NR3C2: variants seen among roughly 807,000 people sequenced by gnomAD.
The protein encoded by NR3C2 is nuclear receptor subfamily 3 group C member 2, also known as mineralocorticoid receptor.
In NR3C2, 15 loss-of-function variants were observed where a neutral mutation model predicts 86.4. That is an observed-to-expected ratio of 0.17 (90% CI 0.12 to 0.27). The LOEUF (loss-of-function observed/expected upper bound fraction) is 0.27, where lower values mean the gene tolerates loss of function less well. Ranked by LOEUF, NR3C2 falls within the 10% of genes least tolerant of loss-of-function variation. The probability of loss-of-function intolerance (pLI) is 1.00; values close to 1 mark genes in which losing one functional copy is unlikely to be tolerated. For synonymous variants in NR3C2, 458 were observed against 450.5 expected, an observed-to-expected ratio of 1.02 and a Z score of -0.21; for missense variants, 960 against 1,195.6, an observed-to-expected ratio of 0.80 and a Z score of 2.91.
intron 2 of NR3C2, 77 bp from the exon 3 acceptor site, chr4:148,260,194 T>A (rs1740027088): frequency 6.3e-7 from 1 of 1,577,338 alleles, no homozygotes; most frequent in Admixed American, 1.7e-5. Flanking sequence ...AGCTCAAAAT[T>A]TGTCAATAAT....
intron 2 of NR3C2, among the ~76,000 whole-genome samples, chr4:148,287,121 A>G (rs1379383396): frequency 6.6e-6 from 1 of 152,236 alleles, no homozygotes; most frequent in Non-Finnish European, 1.5e-5. Context: ...CTACCATGTA[A>G]CAGAATTATT....
chr4:148,436,448 T>A lies in NR3C2; in HGVS notation c.413A>T (p.Glu138Val), dbSNP rs759733141. Residue 138 changes from glutamate to valine, a missense_variant, in exon 2 of 9, where the codon GAA becomes GTA. Glu to Val is a moderately radical substitution (Grantham distance 121). Transcript: ENST00000358102. ...TCCTTTGTAAAATTTCACCAGCTGT[T>A]CAACATTCTGATAAATCTTAGCTGG... ...MSPAKIYQNV[E>V]QLVKFYKGNG... 1.9e-6 allele frequency: 3 copies of A among 1,614,230 alleles called. No homozygotes were observed. The South Asian group carries it at 3.3e-5, about 18-fold the overall frequency.
At chr4:148,117,913 T>C (rs1228320102) in intron 7 of NR3C2, among the ~76,000 whole-genome samples, 1 of 152,206 alleles carries the variant, frequency 6.6e-6, no homozygotes, top group Non-Finnish European at 1.5e-5. Flanking sequence ...AGGTTGTCAC[T>C]AGGCACTCTC....
In NR3C2 at chr4:148,267,680, G is replaced by A. The variant is rs1456376239; in HGVS notation, c.1758-7563C>T. Among the ~76,000 whole-genome samples, 5 of 151,818 alleles carry A rather than the reference G, an allele frequency of 3.3e-5. No homozygotes were observed. The South Asian group carries it at 1.0e-3, about 31-fold the overall frequency. On this transcript the variant is annotated intron_variant, in intron 2 of 8. Transcript: ENST00000358102. ...CCTGGTGTCTGCAGTGTATAGGTTG[G>A]GAACAGCCACATTATATCATTAAGA... is the stretch of plus-strand genomic sequence containing the variant.
chr4:148,215,872 T>C (rs1053858855), intron 3 of NR3C2, among the ~76,000 whole-genome samples: 3 of 149,670 alleles, frequency 2.0e-5, no homozygotes, highest in African/African-American at 7.4e-5. Flanking sequence ...CCCTGCCTCC[T>C]GGGTTCAACC....
chr4:148,395,594 C>T (rs1248374259), intron 2 of NR3C2, among the ~76,000 whole-genome samples: 2 of 152,152 alleles, frequency 1.3e-5, no homozygotes, highest in Non-Finnish European at 2.9e-5. Flanking sequence ...TAAACGTGTT[C>T]ATACACAGAT....
intron 2 of NR3C2, among the ~76,000 whole-genome samples, chr4:148,335,006 C>T (rs1452649979): frequency 6.6e-6 from 1 of 152,200 alleles, no homozygotes; most frequent in African/African-American, 2.4e-5. Context: ...CCAATTTCCC[C>T]TTTGTATAAA....
chr4:148,319,297 A>G (rs1232951581), intron 2 of NR3C2, among the ~76,000 whole-genome samples: 3 of 152,204 alleles, frequency 2.0e-5, no homozygotes, highest in Non-Finnish European at 4.4e-5. Flanking sequence ...GTATAGTTCG[A>G]AGTCAGGTAG....
intron 6 of NR3C2, among the ~76,000 whole-genome samples, chr4:148,145,261 T>C (rs970121228): frequency 2.0e-5 from 3 of 152,154 alleles, no homozygotes; most frequent in Admixed American, 6.5e-5. Flanking sequence ...TAAGTGAGCA[T>C]GCATAGAACT....
chr4:148,103,695 T>C (rs895889428), intron 8 of NR3C2, among the ~76,000 whole-genome samples: 2 of 152,138 alleles, frequency 1.3e-5, no homozygotes, highest in African/African-American at 2.4e-5. Context: ...CTAGGGGAGC[T>C]CCGAGAGATA....
chr4:148,441,687 T>C (rs1750345788), intron 1 of NR3C2, among the ~76,000 whole-genome samples: 1 of 152,184 alleles, frequency 6.6e-6, no homozygotes, highest in African/African-American at 2.4e-5. Flanking sequence ...TCGCGAATGC[T>C]AGCGAACGGG....
At chr4:148,121,712 AT>A (rs1732511892) in intron 6 of NR3C2, among the ~76,000 whole-genome samples, 1 of 152,200 alleles carries the variant, frequency 6.6e-6, no homozygotes, top group Admixed American at 6.5e-5. Context: ...GCTTTGTTTT[AT>A]GTAAATTTGA....
In NR3C2 at chr4:148,386,547, G is replaced by C. The variant is rs61764773; in HGVS notation, c.1757+48557C>G. On this transcript the variant is annotated intron_variant, in intron 2 of 8. Transcript: ENST00000358102. Reference sequence around the variant, plus strand: ...AGATAATCAAAAAGTCTTTACCTTGGAGGGATCATAGTGATGAGTTCAACG... The same window carrying C: ...AGATAATCAAAAAGTCTTTACCTTGCAGGGATCATAGTGATGAGTTCAACG... Among the ~76,000 whole-genome samples, 585 of 152,308 alleles carry C rather than the reference G, an allele frequency of 3.8e-3. 3 individuals carry two copies. The highest frequency in any genetic ancestry group is 6.0e-3 in the Non-Finnish European group (407 of 68,028).
intron 2 of NR3C2, among the ~76,000 whole-genome samples, chr4:148,274,939 C>A (rs1740888852): frequency 6.6e-6 from 1 of 152,030 alleles, no homozygotes; most frequent in African/African-American, 2.4e-5. Context: ...CTCAGGTGAT[C>A]CACTTGCCTC....
intron 2 of NR3C2, among the ~76,000 whole-genome samples, chr4:148,431,931 T>A (rs1470617362): frequency 2.0e-5 from 3 of 152,172 alleles, no homozygotes; most frequent in Non-Finnish European, 4.4e-5. Context: ...AAAGAGCATT[T>A]GTTTATGTGA....
At chr4:148,323,726 C>T (rs1743782684) in intron 2 of NR3C2, among the ~76,000 whole-genome samples, 1 of 152,142 alleles carries the variant, frequency 6.6e-6, no homozygotes, top group Non-Finnish European at 1.5e-5. Context: ...CAATGCCTCG[C>T]CCTGCTTCGG....
chr4:148,199,544 G>A (rs1462343979), intron 3 of NR3C2, among the ~76,000 whole-genome samples: 1 of 152,094 alleles, frequency 6.6e-6, no homozygotes, highest in Non-Finnish European at 1.5e-5. Context: ...GCAAAGGTGA[G>A]CCTGGGAGAC....
intron 4 of NR3C2, among the ~76,000 whole-genome samples, chr4:148,187,364 TCTA>T (rs1162107112): frequency 6.6e-6 from 1 of 152,016 alleles, no homozygotes; most frequent in Non-Finnish European, 1.5e-5. Context: ...TATGCCAACA[TCTA>T]CTGTTTTTTT....
chr4:148,109,200 A>G (rs1350639415), intron 8 of NR3C2, among the ~76,000 whole-genome samples: 1 of 152,116 alleles, frequency 6.6e-6, no homozygotes, highest in African/African-American at 2.4e-5. Flanking sequence ...TGCCCAGCAC[A>G]GCTCCTCCAC....
Sources: allele counts gnomAD v4.1 joint callset (sites outside exome capture counted in the v4.1 genomes callset), GRCh38; gene constraint gnomAD v4.1.1; transcripts MANE v1.5; gene names NCBI Gene and HGNC (gene_info 2026-07-23, HGNC 2026-07-21).